The following NECTIN1 variants were observed in gnomAD, a reference collection of about 807,000 sequenced individuals.
NECTIN1 encodes nectin-1.
A neutral mutation model predicts 48.0 loss-of-function variants in NECTIN1; 23 were observed. The observed-to-expected ratio is 0.48, with a 90% CI of 0.34 to 0.68. The LOEUF (loss-of-function observed/expected upper bound fraction) is 0.68, where lower values mean the gene tolerates loss of function less well. Ranked by LOEUF, NECTIN1 falls within the 30% of genes least tolerant of loss-of-function variation. NECTIN1 has a pLI of 0.01. For synonymous variants in NECTIN1, 270 were observed against 288.9 expected, an observed-to-expected ratio of 0.93 and a Z score of 0.66; for missense variants, 591 against 709.9, an observed-to-expected ratio of 0.83 and a Z score of 1.90.
intron 1 of NECTIN1, among the ~76,000 whole-genome samples, chr11:119,685,832 C>T (rs1865145100): frequency 6.6e-6 from 1 of 152,232 alleles, no homozygotes; most frequent in African/African-American, 2.4e-5. Context: ...CCACTACTTG[C>T]TCATTGTTTT....
At chr11:119,679,232 CCT>C (rs2135553047) in intron 1 of NECTIN1, among the ~76,000 whole-genome samples, 1 of 152,294 alleles carries the variant, frequency 6.6e-6, no homozygotes, top group South Asian at 2.1e-4. Context: ...TTGGTTTCCT[CCT>C]CTGTTATATG....
At chr11:119,705,540 G>C (rs933116697) in intron 1 of NECTIN1, among the ~76,000 whole-genome samples, 2 of 152,256 alleles carry the variant, frequency 1.3e-5, no homozygotes, top group Non-Finnish European at 2.9e-5. Flanking sequence ...GCAGCAGACA[G>C]CAGGTGCAAA....
At chr11:119,689,732 T>G (rs1323527790) in intron 1 of NECTIN1, among the ~76,000 whole-genome samples, 2 of 152,070 alleles carry the variant, frequency 1.3e-5, no homozygotes, top group Non-Finnish European at 2.9e-5. Context: ...CTCGACCCCA[T>G]CCCCTCGAGA....
At chr11:119,648,286 G>C (rs867536254) in intron 5 of NECTIN1, among the ~76,000 whole-genome samples, 3 of 29,676 alleles carry the variant, frequency 1.0e-4, no homozygotes, top group East Asian at 1.4e-3. Context: ...GATGGTGGTG[G>C]TGATGGTGGT....
In NECTIN1 at chr11:119,664,153, A is replaced by C. The variant is rs1171095527; in HGVS notation, c.*594T>G. ...AACACTGCCCAAGGCCCCGCTTAAC[A>C]AACAAGACTCCCTGGGAACTGGGGA... On this transcript the variant is annotated 3_prime_UTR_variant, in exon 6 of 6. Transcript: ENST00000264025. 3.0e-6 allele frequency: 3 copies of C among 986,150 alleles called. No individual in the cohort carries two copies. Among genetic ancestry groups the C allele is most frequent in the Non-Finnish European group, 3.6e-6 (3 of 830,324 alleles). The allele number at this position is 986,150 out of a possible 1,614,324, so 61.1% of individuals were successfully genotyped here.
intron 5 of NECTIN1, among the ~76,000 whole-genome samples, chr11:119,671,373 C>T (rs542124722): frequency 1.3e-5 from 2 of 152,120 alleles, no homozygotes; most frequent in Non-Finnish European, 2.9e-5. Flanking sequence ...GTCCCTATTC[C>T]TGAAGGGTTG....
chr11:119,650,447 C>A (rs1272363232), intron 5 of NECTIN1, among the ~76,000 whole-genome samples: 1 of 152,196 alleles, frequency 6.6e-6, no homozygotes, highest in Non-Finnish European at 1.5e-5. Context: ...CATTTGATAC[C>A]AAACACCGTT....
intron 1 of NECTIN1, among the ~76,000 whole-genome samples, chr11:119,698,083 C>T (rs907652677): frequency 6.6e-6 from 1 of 152,222 alleles, no homozygotes; most frequent in African/African-American, 2.4e-5. Context: ...ACCACACCTG[C>T]CCAGGCCCAG....
At chr11:119,648,612 G>A (rs1251473334) in intron 5 of NECTIN1, among the ~76,000 whole-genome samples, 1 of 151,666 alleles carries the variant, frequency 6.6e-6, no homozygotes, top group Non-Finnish European at 1.5e-5. Context: ...CACTGGTTTG[G>A]GGTTATTGTG....
intron 1 of NECTIN1, among the ~76,000 whole-genome samples, chr11:119,711,636 C>CG: frequency 6.6e-6 from 1 of 152,078 alleles, no homozygotes; most frequent in Non-Finnish European, 1.5e-5. Context: ...CTGGGAGCCT[C>CG]GCATTTCACA....
chr11:119,651,082 C>G (rs558413132), intron 5 of NECTIN1, among the ~76,000 whole-genome samples: 1 of 152,148 alleles, frequency 6.6e-6, no homozygotes, highest in South Asian at 2.1e-4. Flanking sequence ...AGTTGAACTA[C>G]AGGGACAAAA....
In NECTIN1 at chr11:119,661,327, C is replaced by G. The variant is rs556688922; in HGVS notation, c.*3420G>C. The G allele has an allele frequency of 1.0e-5, 10 of 986,204 alleles. No homozygotes were observed. Among genetic ancestry groups the G allele is most frequent in the Middle Eastern group, 5.2e-4 (1 of 1,918 alleles). 61.1% of individuals were successfully genotyped at this position (986,204 alleles called of 1,614,324 possible). A position where few individuals can be genotyped will look rare whatever the true frequency, so the allele number is the denominator to read the frequency against. On this transcript the variant is annotated 3_prime_UTR_variant, in exon 6 of 6. Transcript: ENST00000264025. ...AGCACCGAGTGGGACAGGGGCTCCT[C>G]CTGGCCTCACAAGCTGGGCAGTGTT...
chr11:119,638,224 C>T (rs768904218), exon 8 of NECTIN1: 9 of 1,614,088 alleles, frequency 5.6e-6, no homozygotes, highest in Non-Finnish European at 6.8e-6. Flanking sequence ...GCTGCTGCTG[C>T]CTCCCTGGGT....
At position 119,684,447 on chromosome 11, in the gene NECTIN1, G is replaced by A. The variant is rs1298663619; in HGVS notation, c.80-5682C>T. On this transcript the variant is annotated intron_variant, in intron 1 of 5. Transcript: ENST00000264025. This position sits in a 1 kb window ranked among gnomAD's most constrained non-coding sequence, Gnocchi z 5.2. The stretch of plus-strand genomic sequence containing the variant: ...GCTGGGCTCCGCCATAAGGGCCTCT[G>A]TGAAATCGATATCCTTCGGGATGCA... 6.6e-6 allele frequency among the ~76,000 whole-genome samples: 1 copy of A among 152,268 alleles called. No individual in the cohort carries two copies. Among genetic ancestry groups the A allele is most frequent in the Non-Finnish European group, 1.5e-5 (1 of 68,048 alleles).
rs971445172 is a variant in NECTIN1 at position 119,709,655 on chromosome 11, G to C, written c.79+18820C>G. ...CCTGAAAGGAGCCTGGGAAAGACTG[G>C]GGCTGGGGGCTGGGGGCTGGGAGAG... On this transcript the variant is annotated intron_variant, in intron 1 of 5. Transcript: ENST00000264025. The surrounding 1 kb of genome is among the most constrained non-coding windows in gnomAD (Gnocchi z 4.1). Among the ~76,000 whole-genome samples, 2 of 152,090 alleles carry C rather than the reference G, an allele frequency of 1.3e-5. No homozygotes were observed. Among genetic ancestry groups the C allele is most frequent in the Non-Finnish European group, 2.9e-5 (2 of 67,984 alleles).
rs118046057 is a variant in NECTIN1 at position 119,681,787 on chromosome 11, C to G, written c.80-3022G>C. Reference sequence around the variant, plus strand: ...TCCCAGCCTCTCTCTTACTGGGCACCAAGTGGGTGCCCCTCGTCCTGGACA... The same window carrying G: ...TCCCAGCCTCTCTCTTACTGGGCACGAAGTGGGTGCCCCTCGTCCTGGACA... On this transcript the variant is annotated intron_variant, in intron 1 of 5. Coordinates refer to ENST00000264025, the MANE Select transcript of NECTIN1 (RefSeq NM_002855.5). 3.7e-3 allele frequency among the ~76,000 whole-genome samples: 566 copies of G among 152,274 alleles called. 6 individuals carry two copies. The East Asian group carries it at 0.048, about 13-fold the overall frequency.
intron 1 of NECTIN1, among the ~76,000 whole-genome samples, chr11:119,715,590 A>T (rs2134339330): frequency 6.6e-6 from 1 of 152,192 alleles, no homozygotes; most frequent in East Asian, 1.9e-4. Flanking sequence ...TCCTGACCTC[A>T]GGTTATCTAC....
chr11:119,704,833 G>C (rs1235893833), intron 1 of NECTIN1, among the ~76,000 whole-genome samples: 3 of 152,356 alleles, frequency 2.0e-5, no homozygotes, highest in East Asian at 3.9e-4. Flanking sequence ...ACGCCAGGGA[G>C]GGGGGACCAG....
Position 119,678,667 on chromosome 11 carries a change from C to T in NECTIN1, c.178G>A (p.Val60Met), listed in dbSNP as rs748582329. 24 of 1,613,874 alleles carry T rather than the reference C, an allele frequency of 1.5e-5. No individual in the cohort carries two copies. The East Asian group carries it at 1.6e-4, about 10-fold the overall frequency. ...HCSFANPLPSVKITQVTWQKS... is the reference protein window; with the variant it reads ...HCSFANPLPSMKITQVTWQKS... Reference sequence around the variant, plus strand: ...TGCCATGTGACCTGGGTGATCTTCACGCTGGGAAGCGGGTTGGCAAAGCTG... The same window carrying T: ...TGCCATGTGACCTGGGTGATCTTCATGCTGGGAAGCGGGTTGGCAAAGCTG... Residue 60 changes from valine to methionine, a missense_variant, in exon 2 of 6, where the codon GTG becomes ATG. By Grantham distance (21) the Val-to-Met change is conservative. Coordinates refer to ENST00000264025, the MANE Select transcript of NECTIN1 (RefSeq NM_002855.5). This position sits in a 1 kb window ranked among gnomAD's most constrained non-coding sequence, Gnocchi z 4.4.
Sources: allele counts gnomAD v4.1 joint callset (sites outside exome capture counted in the v4.1 genomes callset), GRCh38; gene constraint gnomAD v4.1.1; non-coding constraint Gnocchi (gnomAD v3.1); transcripts MANE v1.5; gene names NCBI Gene and HGNC (gene_info 2026-07-23, HGNC 2026-07-21).